CABIN1: variants seen among roughly 807,000 people sequenced by gnomAD.
The protein encoded by CABIN1 is calcineurin-binding protein cabin-1.
CABIN1 carries 133 observed loss-of-function variants against 227.7 expected under a neutral mutation model. The observed-to-expected ratio is 0.58, with a 90% CI of 0.51 to 0.67. The LOEUF (loss-of-function observed/expected upper bound fraction) is 0.67, where lower values mean the gene tolerates loss of function less well. Among genes scored for constraint, CABIN1 ranks in the 30% least tolerant of loss-of-function variants. The pLI, the probability that CABIN1 is intolerant of heterozygous loss-of-function variation, is 0.00. For missense variants in CABIN1, 2,408 were observed against 2,852.5 expected, an observed-to-expected ratio of 0.84 and a Z score of 3.55; for synonymous variants, 1,086 against 1,155.1, an observed-to-expected ratio of 0.94 and a Z score of 1.21.
chr22:24,120,858 A>G (rs1168623052), intron 28 of CABIN1, among the ~76,000 whole-genome samples: 1 of 152,246 alleles, frequency 6.6e-6, no homozygotes, highest in African/African-American at 2.4e-5. Context: ...AGATGAGTAA[A>G]GCAAGTCTCA....
At chr22:24,111,224 A>G (rs1477315073) in intron 26 of CABIN1, among the ~76,000 whole-genome samples, 1 of 152,224 alleles carries the variant, frequency 6.6e-6, no homozygotes, top group Non-Finnish European at 1.5e-5. Context: ...GCCCAGCCTC[A>G]TCTAAACATG....
intron 23 of CABIN1, among the ~76,000 whole-genome samples, chr22:24,089,209 C>T (rs530874374): frequency 6.6e-6 from 1 of 152,310 alleles, no homozygotes; most frequent in East Asian, 1.9e-4. Flanking sequence ...GGTGAGAAGT[C>T]AGAGTTCCCT....
In CABIN1 at chr22:24,166,710, G is replaced by A. The variant is rs1335077373; in HGVS notation, c.5079G>A (p.Lys1693=). The A allele has an allele frequency of 3.7e-6, 6 of 1,612,758 alleles. No homozygotes were observed. Among genetic ancestry groups the A allele is most frequent in the African/African-American group, 1.3e-5 (1 of 74,944 alleles). ...GARMTTDVSH[K]ASPEDGQEGL... ...GGATGACCACCGATGTCTCACACAAGGCCAGTCCTGAGGATGGCCAGGAGG... is the reference window on the plus strand; with the variant it reads ...GGATGACCACCGATGTCTCACACAAAGCCAGTCCTGAGGATGGCCAGGAGG... Residue 1693 remains lysine (K), a synonymous_variant, in exon 32 of 37, where the codon AAG becomes AAA. Coordinates refer to ENST00000263119, the MANE Select transcript of CABIN1 (RefSeq NM_012295.4).
intron 12 of CABIN1, among the ~76,000 whole-genome samples, chr22:24,061,217 C>G (rs1193945094): frequency 6.6e-6 from 1 of 152,250 alleles, no homozygotes; most frequent in Non-Finnish European, 1.5e-5. Flanking sequence ...CCCCAGCCTC[C>G]TCCACTTGGT....
In CABIN1 at chr22:24,051,045, A is replaced by G. The variant is rs980560192; in HGVS notation, c.806+71A>G. 12 of 1,592,102 alleles carry G rather than the reference A, an allele frequency of 7.5e-6. No homozygotes were observed. The Admixed American group carries it at 1.0e-4, about 13-fold the overall frequency. ...CCTGTTGTGGGATGCTGCCCTGCAC[A>G]GGAGGGAGAGACCTTGAGGCTTGAT... On this transcript the variant is annotated intron_variant, in intron 8 of 36. Transcript: ENST00000263119.
intron 26 of CABIN1, among the ~76,000 whole-genome samples, chr22:24,109,628 T>C (rs1455463644): frequency 2.6e-5 from 4 of 152,188 alleles, no homozygotes; most frequent in African/African-American, 9.6e-5. Flanking sequence ...TTAAGGTAGC[T>C]GAGCAAAGGG....
intron 2 of CABIN1, 102 bp from the exon 3 acceptor site, chr22:24,035,987 T>C: frequency 1.2e-6 from 1 of 814,970 alleles, no homozygotes; most frequent in Non-Finnish European, 2.2e-6. Flanking sequence ...CAAGGTAGAA[T>C]AGATCATATG....
In CABIN1 at chr22:24,042,785, G is replaced by T. The variant is rs146500991; in HGVS notation, c.346-119G>T. ...GCTGTGCCAGTGCCGTGCTCCTCCC[G>T]TCCCCGGGGTGCATATTCAAGGAGA... On this transcript the variant is annotated intron_variant, in intron 5 of 36. Coordinates refer to ENST00000263119, the MANE Select transcript of CABIN1 (RefSeq NM_012295.4). 2,143 of 968,388 alleles carry T rather than the reference G, an allele frequency of 2.2e-3. 40 individuals carry two copies. In the African/African-American group the frequency reaches 0.033, roughly 15 times the overall value. 60.0% of individuals were successfully genotyped at this position (968,388 alleles called of 1,614,324 possible).
chr22:24,133,842 G>A lies in CABIN1; in HGVS notation c.4633-460G>A, dbSNP rs570314386. Among the ~76,000 whole-genome samples, 3 of 152,338 alleles carry A rather than the reference G, an allele frequency of 2.0e-5. No homozygotes were observed. In the South Asian group the frequency reaches 6.2e-4, roughly 32 times the overall value. Reference sequence around the variant, plus strand: ...TCCACCAAGAGGCTCTTTGCCCAGAGATCACTGACCTAAGCACTGTGGCCA... The same window carrying A: ...TCCACCAAGAGGCTCTTTGCCCAGAAATCACTGACCTAAGCACTGTGGCCA... On this transcript the variant is annotated intron_variant, in intron 28 of 36. Coordinates refer to ENST00000263119, the MANE Select transcript of CABIN1 (RefSeq NM_012295.4).
At chr22:24,116,181 A>T (rs1326807620) in intron 27 of CABIN1, among the ~76,000 whole-genome samples, 2 of 152,228 alleles carry the variant, frequency 1.3e-5, no homozygotes, top group African/African-American at 2.4e-5. Flanking sequence ...TGCAGGGGGC[A>T]GAGCTTCAAA....
rs561982065 is a variant in CABIN1, at chr22:24,140,119, A to G, written c.4746+5704A>G. Among the ~76,000 whole-genome samples the G allele has an allele frequency of 2.0e-5, 3 of 152,346 alleles. No individual in the cohort carries two copies. The South Asian group carries it at 6.2e-4, about 32-fold the overall frequency. On this transcript the variant is annotated intron_variant, in intron 29 of 36. Transcript: ENST00000263119. ...AGAGGCACCCTCGGGGGAACTCCTT[A>G]GGCTGGGCTGCTGACAGAACCTTCC...
At chr22:24,169,342 C>G (rs2046651496) in intron 33 of CABIN1, among the ~76,000 whole-genome samples, 2 of 152,144 alleles carry the variant, frequency 1.3e-5, no homozygotes, top group Admixed American at 6.5e-5. Context: ...TCCCAGGTCC[C>G]TTTGTTCCAG....
intron 1 of CABIN1, among the ~76,000 whole-genome samples, chr22:24,028,115 G>A (rs768163100): frequency 6.6e-5 from 10 of 152,128 alleles, no homozygotes; most frequent in South Asian, 2.1e-4. Flanking sequence ...TAAGTGTGCA[G>A]CAGCATTATA....
At chr22:24,105,966 T>G (rs1983838816) in intron 26 of CABIN1, among the ~76,000 whole-genome samples, 1 of 152,152 alleles carries the variant, frequency 6.6e-6, no homozygotes, top group Admixed American at 6.5e-5. Flanking sequence ...CATTTGAACC[T>G]AGGGCCACAG....
At chr22:24,014,176 A>G (rs1220553256) in intron 1 of CABIN1, among the ~76,000 whole-genome samples, 1 of 152,194 alleles carries the variant, frequency 6.6e-6, no homozygotes, top group Non-Finnish European at 1.5e-5. Flanking sequence ...TGTTTGCCTA[A>G]AGGTAATTAT....
chr22:24,142,584 G>A (rs2044835753), intron 29 of CABIN1, among the ~76,000 whole-genome samples: 1 of 152,134 alleles, frequency 6.6e-6, no homozygotes, highest in African/African-American at 2.4e-5. Context: ...TTGTAAGAGA[G>A]GTACCTTCCC....
At position 24,063,724 on chromosome 22, in the gene CABIN1, C is replaced by CA. The variant is rs1295341780; in HGVS notation, c.1885-310dup. On this transcript the variant is annotated intron_variant, in intron 14 of 36. Transcript: ENST00000263119. ...AAGCAACACTGTTTGATGTGAAGAA[C>CA]ATTAGTTCTGGAATTAGGACAGGCC... is the stretch of plus-strand genomic sequence containing the variant. 2.6e-5 allele frequency among the ~76,000 whole-genome samples: 4 copies of CA among 152,300 alleles called. No individual in the cohort carries two copies. In the East Asian group the frequency reaches 7.7e-4, roughly 29 times the overall value.
At chr22:24,104,932 G>C (rs2042426616) in intron 26 of CABIN1, among the ~76,000 whole-genome samples, 1 of 152,166 alleles carries the variant, frequency 6.6e-6, no homozygotes, top group African/African-American at 2.4e-5. Flanking sequence ...GGCTTTCACT[G>C]CCCCAGGCTG....
At chr22:24,053,933 G>T (rs2038572276) in intron 8 of CABIN1, among the ~76,000 whole-genome samples, 2 of 152,178 alleles carry the variant, frequency 1.3e-5, no homozygotes, top group Admixed American at 1.3e-4. Context: ...CTGGGTGGTG[G>T]AGCTGGGGTC....
Sources: gnomAD v4.1 joint callset for allele counts (sites outside exome capture counted in the v4.1 genomes callset) on GRCh38, gnomAD v4.1.1 for gene constraint, MANE v1.5 for transcripts, NCBI Gene and HGNC (gene_info 2026-07-23, HGNC 2026-07-21) for gene names.